Variants in WASHC2C observed in about 807,000 individuals in gnomAD.
WASHC2C encodes Vaccinia Penetration Factor.
In WASHC2C, 73 loss-of-function variants were observed where a neutral mutation model predicts 142.2. That is an observed-to-expected ratio of 0.51 (90% CI 0.43 to 0.62). The LOEUF is 0.62. WASHC2C is among the 20% of genes least tolerant of loss of function. WASHC2C has a pLI of 0.00. For missense variants in WASHC2C, 969 were observed against 1,531.7 expected (o/e 0.63, Z 6.13); for synonymous variants, 337 against 565.5 (o/e 0.60, Z 5.73).
At chr10:45,744,627 T>G (rs1222386107) in intron 6 of WASHC2C, among the ~76,000 whole-genome samples, 194 bp from the exon 7 acceptor site, 1 of 152,110 alleles carries the variant, frequency 6.6e-6, no homozygotes, top group Non-Finnish European at 1.5e-5. Context: ...TGAATAATTT[T>G]TGGGGGGAGA....
chr10:45,766,722 G>C (rs1435954775), intron 19 of WASHC2C, among the ~76,000 whole-genome samples: 5 of 149,456 alleles, frequency 3.3e-5, no homozygotes, highest in Non-Finnish European at 7.4e-5. Context: ...AAATCAGTTA[G>C]TTTAGTTGCT....
At chr10:45,789,710 TC>T (rs1188317699) in intron 29 of WASHC2C, among the ~76,000 whole-genome samples, 1 of 152,034 alleles carries the variant, frequency 6.6e-6, no homozygotes, top group Non-Finnish European at 1.5e-5. Context: ...CTGGCCATGA[TC>T]ATTGATACTG....
chr10:45,770,688 T>C, intron 20 of WASHC2C, among the ~76,000 whole-genome samples: 1 of 152,214 alleles, frequency 6.6e-6, no homozygotes, highest in Non-Finnish European at 1.5e-5. Flanking sequence ...GCATTAGGCC[T>C]CTGTAACTTG....
chr10:45,792,893 G>A lies in WASHC2C; in HGVS notation c.*493G>A, dbSNP rs2058457328. 4.3e-6 allele frequency: 2 copies of A among 469,346 alleles called. No individual in the cohort carries two copies. Among genetic ancestry groups the A allele is most frequent in the African/African-American group, 4.0e-5 (2 of 49,986 alleles). 29.1% of individuals were successfully genotyped at this position (469,346 alleles called of 1,614,324 possible). On this transcript the variant is annotated 3_prime_UTR_variant, in exon 31 of 31. Coordinates refer to ENST00000623400, the MANE Select transcript of WASHC2C (RefSeq NM_001330074.2). ...AGGGTGCCTCTGCATGTCCTCCAAG[G>A]CAAAGTTTGGCAAACTGTGGCCCCC... is the stretch of plus-strand genomic sequence containing the variant.
chr10:45,760,735 A>C (rs2054955557), intron 17 of WASHC2C, among the ~76,000 whole-genome samples: 1 of 82,340 alleles, frequency 1.2e-5, no homozygotes, highest in South Asian at 5.3e-4. Context: ...CACAACAGGA[A>C]GCCTGCTAGC....
intron 3 of WASHC2C, among the ~76,000 whole-genome samples, chr10:45,734,321 T>C: frequency 6.6e-6 from 1 of 151,904 alleles, no homozygotes; most frequent in African/African-American, 2.4e-5. Context: ...TGTATTTTTT[T>C]CTGTTCTTGT....
At chr10:45,792,150 G>A in intron 30 of WASHC2C, 111 bp from the exon 31 acceptor site, 3 of 1,199,790 alleles carry the variant, frequency 2.5e-6, no homozygotes, top group Non-Finnish European at 3.6e-6. Flanking sequence ...GTGTTTTAGG[G>A]TACTCCATGC....
chr10:45,736,381 T>G (rs1164847412), intron 3 of WASHC2C, among the ~76,000 whole-genome samples: 90 of 107,560 alleles, frequency 8.4e-4, no homozygotes, highest in African/African-American at 2.8e-3. Context: ...ACTCCAGCCT[T>G]GGCAACAGAG....
At chr10:45,785,437 T>C (rs2057962454) in intron 25 of WASHC2C, 72 bp from the exon 26 acceptor site, 3 of 1,590,858 alleles carry the variant, frequency 1.9e-6, no homozygotes, top group Admixed American at 1.8e-5. Context: ...CAGGATTGTT[T>C]TTTGCATTAT....
chr10:45,764,594 A>T (rs2055561319), intron 18 of WASHC2C, among the ~76,000 whole-genome samples: 1 of 151,434 alleles, frequency 6.6e-6, no homozygotes, highest in African/African-American at 2.4e-5. Context: ...AAGAGAGAAG[A>T]CAACCCAAAC....
Position 45,777,429 on chromosome 10 carries a change from G to T in WASHC2C, c.2295+4G>T, listed in dbSNP as rs781857450. The T allele has an allele frequency of 6.2e-7, 1 of 1,610,080 alleles. No homozygotes were observed. The highest frequency in any genetic ancestry group is 1.7e-5 in the Admixed American group (1 of 59,842). On this transcript the variant is annotated splice_donor_region_variant and intron_variant, in intron 22 of 30. Coordinates refer to ENST00000623400, the MANE Select transcript of WASHC2C (RefSeq NM_001330074.2). ...TGATGTGGCTGAGTCAGAAAAGGTG[G>T]ACTTTTTTTCTTGTATACTTGAATG...
intron 19 of WASHC2C, 71 bp from the exon 20 acceptor site, chr10:45,769,378 A>G (rs2056334691): frequency 6.7e-6 from 10 of 1,493,316 alleles, no homozygotes; most frequent in Middle Eastern, 2.4e-4. Flanking sequence ...TCGGCCTCCC[A>G]AAGTGCTGGG....
chr10:45,773,888 A>AG (rs1161336267), intron 21 of WASHC2C, among the ~76,000 whole-genome samples: 20 of 124,876 alleles, frequency 1.6e-4, no homozygotes, highest in African/African-American at 5.9e-4. Context: ...AACATACTGC[A>AG]GGCCAAAAAA....
intron 22 of WASHC2C, among the ~76,000 whole-genome samples, chr10:45,778,494 A>AAT: frequency 1.0e-5 from 1 of 96,738 alleles, no homozygotes; most frequent in African/African-American, 4.1e-5. Flanking sequence ...TTGCCTATAC[A>AAT]GTGTAAGCCT....
chr10:45,762,577 C>T (rs2055255248), intron 17 of WASHC2C, among the ~76,000 whole-genome samples: 1 of 152,168 alleles, frequency 6.6e-6, no homozygotes, highest in African/African-American at 2.4e-5. Flanking sequence ...GACTAGCAAA[C>T]ATTTAAAAAT....
At chr10:45,751,337 A>G (rs2257475) in intron 10 of WASHC2C, 145 bp from the exon 11 acceptor site, 180,325 of 850,222 alleles carry the variant, frequency 0.21, 43,787 homozygotes, top group East Asian at 0.53. Flanking sequence ...AGGGCCAGGG[A>G]GTTCAGTGCT....
chr10:45,789,137 G>C lies in WASHC2C; in HGVS notation c.3354G>C (p.Lys1118Asn). The part of the protein sequence containing the change: ...VPGVDTSPFA[K>N]SLGHSRGEAD... ...GAGTGGACACAAGCCCCTTTGCAAA[G>C]TCTCTGGGTCATTCCAGAGGGGAGG... The change falls in exon 29 of 31, where the codon AAG becomes AAC. Residue 1118 changes from lysine (K) to asparagine (N), a missense_variant. Coordinates refer to ENST00000623400, the MANE Select transcript of WASHC2C (RefSeq NM_001330074.2). 6.2e-7 allele frequency: 1 copy of C among 1,612,082 alleles called. No homozygotes were observed. Among genetic ancestry groups the C allele is most frequent in the Non-Finnish European group, 8.5e-7 (1 of 1,179,864 alleles).
chr10:45,784,902 G>A lies in WASHC2C; in HGVS notation c.2688+1G>A. 1.3e-6 allele frequency: 2 copies of A among 1,599,176 alleles called. No individual in the cohort carries two copies. The highest frequency in any genetic ancestry group is 1.7e-6 in the Non-Finnish European group (2 of 1,175,108). ...CAGCTCTGCCAAGTCCCAGCCTTTG[G>A]TACCAGCCTTTTGTTCTCAATACTG... On this transcript the variant is annotated splice_donor_variant, in intron 25 of 30. Transcript: ENST00000623400. LOFTEE classifies it high-confidence loss of function.
chr10:45,792,930 T>C lies in WASHC2C; in HGVS notation c.*530T>C, dbSNP rs2135879262. On this transcript the variant is annotated 3_prime_UTR_variant, in exon 31 of 31. Transcript: ENST00000623400. ...AAACTGTGGCCCCCCCACTGTCATA[T>C]TTTGTTAATAAAATTTTATTGGAAC... The C allele has an allele frequency of 2.1e-6, 1 of 469,196 alleles. No homozygotes were observed. Among genetic ancestry groups the C allele is most frequent in the Admixed American group, 2.3e-5 (1 of 42,578 alleles). The allele number at this position is 469,196 out of a possible 1,614,324, so 29.1% of individuals were successfully genotyped here. A position where few individuals can be genotyped will look rare whatever the true frequency, so the allele number is the denominator to read the frequency against.
Sources: allele counts gnomAD v4.1 joint callset (sites outside exome capture counted in the v4.1 genomes callset), GRCh38; gene constraint gnomAD v4.1.1; transcripts MANE v1.5; gene names NCBI Gene and HGNC (gene_info 2026-07-23, HGNC 2026-07-21).